LRRC37A2: variants seen among roughly 807,000 people sequenced by gnomAD.
LRRC37A2 encodes leucine-rich repeat-containing protein 37A2.
A neutral mutation model predicts 68.8 loss-of-function variants in LRRC37A2; 9 were observed. The observed-to-expected ratio is 0.13, with a 90% CI of 0.08 to 0.23. The LOEUF is 0.23. Ranked by LOEUF, LRRC37A2 falls within the 10% of genes least tolerant of loss-of-function variation. The pLI is 1.00. For missense variants in LRRC37A2, 168 were observed against 950.4 expected (o/e 0.18, Z 10.82); for synonymous variants, 63 against 367.6 (o/e 0.17, Z 9.48).
chr17:46,852,389 AGTGTGTGTGTGTGT>A, the LRRC37A2 span, among the ~76,000 whole-genome samples: 147 of 105,362 alleles, frequency 1.4e-3, no homozygotes, highest in Middle Eastern at 9.7e-3. Context: ...GAGAGGGCCC[AGTGTGTGTGTGTGT>A]GTGTGTGTGT....
the LRRC37A2 span, chr17:46,875,500 T>C: frequency 4.0e-6 from 5 of 1,236,698 alleles, no homozygotes. Flanking sequence ...CAGGATGAAC[T>C]TCACGTCTTC....
At chr17:46,953,286 GA>G in the LRRC37A2 span, among the ~76,000 whole-genome samples, 2 of 151,936 alleles carry the variant, frequency 1.3e-5, no homozygotes, top group Non-Finnish European at 2.9e-5. Context: ...CTATGAGTGA[GA>G]ACATGCAGTG....
At chr17:46,850,989 C>G in the LRRC37A2 span, among the ~76,000 whole-genome samples, 244 of 152,354 alleles carry the variant, frequency 1.6e-3, no homozygotes, top group Non-Finnish European at 3.0e-3. Flanking sequence ...GCGCCCTTTC[C>G]TCTCTCCCCT....
chr17:46,569,422 G>A, the LRRC37A2 span, among the ~76,000 whole-genome samples: 1 of 150,434 alleles, frequency 6.6e-6, no homozygotes, highest in Non-Finnish European at 1.5e-5. Context: ...ATCATGTCTG[G>A]GATGGGCAAA....
At chr17:47,029,976 T>C in the LRRC37A2 span, among the ~76,000 whole-genome samples, 17 of 151,244 alleles carry the variant, frequency 1.1e-4, no homozygotes, top group African/African-American at 3.9e-4. Context: ...GGCAGGAGAA[T>C]CACTTGAAAC....
the LRRC37A2 span, chr17:46,713,926 C>A: frequency 1.2e-6 from 2 of 1,611,682 alleles, no homozygotes; most frequent in Non-Finnish European, 1.7e-6. Flanking sequence ...TCATCAAGAT[C>A]TGTTCTCCTG....
chr17:46,857,427 A>T, the LRRC37A2 span, among the ~76,000 whole-genome samples: 1 of 147,436 alleles, frequency 6.8e-6, no homozygotes, highest in Non-Finnish European at 1.5e-5. Context: ...GTGAGCCAAG[A>T]CTGTGCCACT....
chr17:46,923,306 A>C, the LRRC37A2 span: 10 of 1,546,514 alleles, frequency 6.5e-6, no homozygotes, highest in African/African-American at 1.4e-5. Flanking sequence ...CTCGGACGTC[A>C]GCCAGGGTAG....
the LRRC37A2 span, chr17:46,931,836 C>G: frequency 3.9e-5 from 23 of 582,310 alleles, no homozygotes; most frequent in Middle Eastern, 9.1e-4. Context: ...GCAACAGATT[C>G]TGAAGTCAAG....
intron 6 of LRRC37A2, among the ~76,000 whole-genome samples, chr17:46,530,194 CA>C (rs1324769335): frequency 3.0e-5 from 4 of 132,226 alleles, no homozygotes; most frequent in Non-Finnish European, 6.5e-5. Flanking sequence ...GCCCAGCCTA[CA>C]TTCATTTTTA....
chr17:46,837,848 A>T, the LRRC37A2 span, among the ~76,000 whole-genome samples: 2 of 152,184 alleles, frequency 1.3e-5, no homozygotes, highest in African/African-American at 4.8e-5. Flanking sequence ...ACATATGAGG[A>T]CACTGTGCAC....
At chr17:46,875,201 T>C in the LRRC37A2 span, 1 of 1,614,060 alleles carries the variant, frequency 6.2e-7, no homozygotes, top group Non-Finnish European at 8.5e-7. Context: ...GCTGCACCTG[T>C]GATGACTCTC....
the LRRC37A2 span, among the ~76,000 whole-genome samples, chr17:46,776,781 C>T: frequency 6.6e-6 from 1 of 152,172 alleles, no homozygotes; most frequent in Non-Finnish European, 1.5e-5. Flanking sequence ...CCGCTCCTTC[C>T]TCTGGTGTTT....
chr17:46,810,793 A>G, the LRRC37A2 span, among the ~76,000 whole-genome samples: 560 of 152,296 alleles, frequency 3.7e-3, 1 homozygote, highest in African/African-American at 0.013. Context: ...TTTGGCCAGC[A>G]GCTTATCCAA....
chr17:46,900,729 T>A, the LRRC37A2 span, among the ~76,000 whole-genome samples: 1 of 152,230 alleles, frequency 6.6e-6, no homozygotes, highest in African/African-American at 2.4e-5. Flanking sequence ...TACTAGCTAA[T>A]CTTTATTAGG....
the LRRC37A2 span, chr17:46,938,721 C>T: frequency 6.2e-7 from 1 of 1,614,000 alleles, no homozygotes; most frequent in Non-Finnish European, 8.5e-7. Context: ...TGCTGCTGAC[C>T]TGTGTGGTCA....
the LRRC37A2 span, among the ~76,000 whole-genome samples, chr17:46,733,249 C>G: frequency 1.3e-5 from 2 of 152,134 alleles, no homozygotes; most frequent in Non-Finnish European, 2.9e-5. Flanking sequence ...GTCTTAATGT[C>G]AAGGAGGAAG....
At chr17:46,721,543 G>A in the LRRC37A2 span, 1 of 1,193,934 alleles carries the variant, frequency 8.4e-7, no homozygotes, top group Non-Finnish European at 1.2e-6. Context: ...CTTTTTCTGT[G>A]TGTGTGTGAA....
At chr17:46,878,142 C>A in the LRRC37A2 span, among the ~76,000 whole-genome samples, 6 of 152,238 alleles carry the variant, frequency 3.9e-5, no homozygotes, top group African/African-American at 1.4e-4. Flanking sequence ...AGGCATTGTA[C>A]TTCCCCAGAG....
Sources: allele counts gnomAD v4.1 joint callset (sites outside exome capture counted in the v4.1 genomes callset), GRCh38; gene constraint gnomAD v4.1.1; transcripts MANE v1.5; gene names NCBI Gene and HGNC (gene_info 2026-07-23, HGNC 2026-07-21).